Variants in TRAF2 observed in about 807,000 individuals in gnomAD.
TRAF2 encodes TNF receptor-associated factor 2.
In TRAF2, 6 loss-of-function variants were observed where a neutral mutation model predicts 55.6. The ratio of observed to expected loss-of-function variants is 0.11; its 90% CI spans 0.06 to 0.21. The LOEUF is 0.21. Ranked by LOEUF, TRAF2 falls within the 10% of genes least tolerant of loss-of-function variation. TRAF2 has a pLI of 1.00. For synonymous variants in TRAF2, 329 were observed against 276.3 expected (o/e 1.19, Z -1.89); for missense variants, 561 against 684.5 (o/e 0.82, Z 2.01).
chr9:136,899,767 G>T, intron 3 of TRAF2, 95 bp downstream of exon 3: 1 of 1,229,552 alleles, frequency 8.1e-7, no homozygotes, highest in South Asian at 1.3e-5. Context: ...GCTCACACCT[G>T]TAATCCCAGC....
chr9:136,882,584 TCTC>T (rs1427406663), upstream of TRAF2: 4 of 849,896 alleles, frequency 4.7e-6, no homozygotes, highest in East Asian at 4.9e-4. Context: ...TGCTGGGGCT[TCTC>T]CTGAGACTGC....
Position 136,920,452 on chromosome 9 carries a change from T to C in TRAF2, c.897T>C (p.Thr299=). The C allele has an allele frequency of 6.2e-7, 1 of 1,613,502 alleles. No homozygotes were observed. The highest frequency in any genetic ancestry group is 8.5e-7 in the Non-Finnish European group (1 of 1,179,958). Residue 299 remains threonine (T), a synonymous_variant, in exon 8 of 11, where the codon ACT becomes ACC. Transcript: ENST00000247668. ...GGGAGGTGGAGAGGGTGGCCATGACTGCCGAGGCCTGCAGCCGGCAGCACC... is the reference window on the plus strand; with the variant it reads ...GGGAGGTGGAGAGGGTGGCCATGACCGCCGAGGCCTGCAGCCGGCAGCACC... ...LNREVERVAM[T]AEACSRQHRL...
chr9:136,910,770 T>C (rs1342184305), intron 6 of TRAF2, among the ~76,000 whole-genome samples: 1 of 152,202 alleles, frequency 6.6e-6, no homozygotes, highest in Non-Finnish European at 1.5e-5. Context: ...TTGCTTCTGT[T>C]TAAATATAGG....
At chr9:136,909,393 G>A (rs1297795696) in intron 5 of TRAF2, among the ~76,000 whole-genome samples, 4 of 152,150 alleles carry the variant, frequency 2.6e-5, no homozygotes, top group Admixed American at 1.3e-4. Context: ...TGCCTCTGGG[G>A]CCCATGGCAT....
At chr9:136,898,100 G>A (rs967265321) in intron 1 of TRAF2, among the ~76,000 whole-genome samples, 18 of 151,716 alleles carry the variant, frequency 1.2e-4, no homozygotes, top group Admixed American at 5.3e-4. Flanking sequence ...CTACATTCCC[G>A]CTCTCGGGGC....
upstream of TRAF2, chr9:136,882,038 G>C (rs533068304): frequency 1.0e-6 from 1 of 985,554 alleles, no homozygotes; most frequent in South Asian, 4.7e-5. Flanking sequence ...TTTGAGGTGG[G>C]CACTTCCCCT....
intron 6 of TRAF2, among the ~76,000 whole-genome samples, chr9:136,915,242 G>A (rs1850213295): frequency 6.6e-6 from 1 of 152,164 alleles, no homozygotes; most frequent in Non-Finnish European, 1.5e-5. Context: ...CTACAAAAAA[G>A]GTGCATTCTG....
rs750568995 is a variant in TRAF2 at position 136,902,961 on chromosome 9, TTTTA to T, written c.366+2453_366+2456del. Among the ~76,000 whole-genome samples the T allele has an allele frequency of 6.5e-4, 90 of 138,296 alleles. 1 individual carries two copies. The highest frequency in any genetic ancestry group is 3.5e-3 in the Admixed American group (49 of 13,898). The allele number at this position is 138,296 out of a possible 152,430, so 90.7% of individuals were successfully genotyped here. A position where few individuals can be genotyped will look rare whatever the true frequency, so the allele number is the denominator to read the frequency against. ...TGATGCCTTTCTAGGAACTGAATGA[TTTTA>T]TTTATTTATTTTTATTTTTTTGAGA... On this transcript the variant is annotated intron_variant, in intron 4 of 10. Transcript: ENST00000247668.
intron 6 of TRAF2, chr9:136,910,208 C>G (rs1564415011): frequency 5.0e-6 from 3 of 604,248 alleles, no homozygotes; most frequent in Admixed American, 5.6e-5. Context: ...GAGCCCTCTT[C>G]CTCATCCTCC....
chr9:136,903,806 C>T (rs11145929), intron 4 of TRAF2, among the ~76,000 whole-genome samples: 1 of 152,120 alleles, frequency 6.6e-6, no homozygotes, highest in Non-Finnish European at 1.5e-5. Flanking sequence ...CCTCAGCCTC[C>T]TGAGTAGCTG....
At chr9:136,898,584 TGA>T (rs879592889) in intron 1 of TRAF2, 127 bp from the exon 2 acceptor site, 22 of 1,462,572 alleles carry the variant, frequency 1.5e-5, no homozygotes, top group Non-Finnish European at 1.9e-5. Context: ...TCTGCTTCTC[TGA>T]GTCTTGACCG....
intron 4 of TRAF2, among the ~76,000 whole-genome samples, chr9:136,901,458 AC>A (rs1849818469): frequency 6.6e-6 from 1 of 152,136 alleles, no homozygotes; most frequent in African/African-American, 2.4e-5. Context: ...GGACACACAC[AC>A]CCCAGGGATG....
intron 1 of TRAF2, among the ~76,000 whole-genome samples, chr9:136,893,179 G>C (rs1216019976): frequency 6.6e-6 from 1 of 152,184 alleles, no homozygotes; most frequent in Non-Finnish European, 1.5e-5. Flanking sequence ...CCACCTTCGA[G>C]AAAGTGGGAG....
At chr9:136,882,325 G>A (rs1849384378), upstream of TRAF2, among the ~76,000 whole-genome samples, 1 of 152,218 alleles carries the variant, frequency 6.6e-6, no homozygotes, top group African/African-American at 2.4e-5. Context: ...CAGTGGCATG[G>A]CGGCCCCTCA....
chr9:136,900,591 G>A, intron 4 of TRAF2, 71 bp downstream of exon 4: 1 of 1,260,920 alleles, frequency 7.9e-7, no homozygotes, highest in Non-Finnish European at 1.2e-6. Context: ...TCCCCAAGCA[G>A]TTATGACCTT....
At chr9:136,923,495 C>G (rs1325951702) in intron 9 of TRAF2, among the ~76,000 whole-genome samples, 2 of 151,274 alleles carry the variant, frequency 1.3e-5, no homozygotes, top group Admixed American at 1.3e-4. Flanking sequence ...TCTGTAATCT[C>G]AGCTACTCAG....
chr9:136,924,102 C>A, intron 10 of TRAF2, 102 bp downstream of exon 10: 1 of 1,420,324 alleles, frequency 7.0e-7, no homozygotes, highest in Non-Finnish European at 9.5e-7. Context: ...GTGGCTTGGG[C>A]TCGCTGGACC....
chr9:136,923,036 C>G (rs1850433737), intron 9 of TRAF2, among the ~76,000 whole-genome samples: 1 of 152,164 alleles, frequency 6.6e-6, no homozygotes, highest in Non-Finnish European at 1.5e-5. Flanking sequence ...CCTTTGCACA[C>G]AGTGTTCTGT....
At chr9:136,919,064 A>ATTTATTTATTTATT (rs1190632231) in intron 7 of TRAF2, among the ~76,000 whole-genome samples, 29 of 142,856 alleles carry the variant, frequency 2.0e-4, no homozygotes, top group Non-Finnish European at 4.1e-4. Flanking sequence ...TTATTTATTT[A>ATTTATTTATTTATT]TTTATTTATT....
Sources: gnomAD v4.1 joint callset for allele counts (sites outside exome capture counted in the v4.1 genomes callset) on GRCh38, gnomAD v4.1.1 for gene constraint, MANE v1.5 for transcripts, NCBI Gene and HGNC (gene_info 2026-07-23, HGNC 2026-07-21) for gene names.